The following COL25A1 variants were observed in gnomAD, a reference collection of about 807,000 sequenced individuals.
COL25A1 encodes the protein collagen type XXV alpha 1 chain.
In COL25A1, 103 loss-of-function variants were observed where a neutral mutation model predicts 128.4. That is an observed-to-expected ratio of 0.80 (90% CI 0.68 to 0.94). The LOEUF (loss-of-function observed/expected upper bound fraction) is 0.94, where lower values mean the gene tolerates loss of function less well. COL25A1 is among the 40% of genes least tolerant of loss of function. The pLI is 0.00. For synonymous variants in COL25A1, 279 were observed against 277.2 expected (o/e 1.01, Z -0.06); for missense variants, 745 against 840.0 (o/e 0.89, Z 1.40).
chr4:109,247,998 G>A (rs1235792256), intron 3 of COL25A1, among the ~76,000 whole-genome samples: 1 of 152,120 alleles, frequency 6.6e-6, no homozygotes, highest in Non-Finnish European at 1.5e-5. Context: ...ATAGTCAACA[G>A]AGTCAATTGC....
At chr4:109,132,078 A>G (rs1023599670) in intron 3 of COL25A1, among the ~76,000 whole-genome samples, 1 of 152,186 alleles carries the variant, frequency 6.6e-6, no homozygotes, top group East Asian at 1.9e-4. Context: ...ATTAGGTTTG[A>G]AAAAGCAAAA....
chr4:108,870,282 A>G (rs1697394768), intron 19 of COL25A1, among the ~76,000 whole-genome samples: 1 of 152,138 alleles, frequency 6.6e-6, no homozygotes, highest in South Asian at 2.1e-4. Flanking sequence ...AAGACATACT[A>G]AAATGTCATC....
chr4:109,100,325 T>C (rs958735088), intron 3 of COL25A1, among the ~76,000 whole-genome samples: 1 of 151,500 alleles, frequency 6.6e-6, no homozygotes, highest in African/African-American at 2.4e-5. Context: ...GTCAATTAGA[T>C]ATGAAAAACA....
At chr4:108,896,377 A>G (rs911962912) in intron 16 of COL25A1, among the ~76,000 whole-genome samples, 2 of 152,164 alleles carry the variant, frequency 1.3e-5, no homozygotes, top group Non-Finnish European at 2.9e-5. Context: ...CACATGAATA[A>G]GTGTTTTAAT....
At chr4:109,247,591 AGGAAAGGAAGACCT>A in intron 3 of COL25A1, among the ~76,000 whole-genome samples, 1 of 152,354 alleles carries the variant, frequency 6.6e-6, no homozygotes, top group Non-Finnish European at 1.5e-5. Flanking sequence ...TTAGAATCAT[AGGAAAGGAAGACCT>A]GGAAGAAGTT....
intron 3 of COL25A1, among the ~76,000 whole-genome samples, chr4:109,259,949 T>C (rs1781323495): frequency 6.6e-6 from 1 of 152,218 alleles, no homozygotes; most frequent in Non-Finnish European, 1.5e-5. Context: ...GGAAGAGTCT[T>C]GAAAATGGTG....
In COL25A1 at chr4:109,292,327, C is replaced by T. The variant is rs369409702; in HGVS notation, c.367+8256G>A. Among the ~76,000 whole-genome samples, 19 of 152,066 alleles carry T rather than the reference C, an allele frequency of 1.2e-4. No homozygotes were observed. In the East Asian group the frequency reaches 2.1e-3, roughly 17 times the overall value. ...TAAAATCCCTGTACTAATTAATCTCCGAGATTTGTATTAGTTTTAATATGT... is the reference window on the plus strand; with the variant it reads ...TAAAATCCCTGTACTAATTAATCTCTGAGATTTGTATTAGTTTTAATATGT... On this transcript the variant is annotated intron_variant, in intron 3 of 37. Coordinates refer to ENST00000399132, the MANE Select transcript of COL25A1 (RefSeq NM_198721.4).
intron 3 of COL25A1, among the ~76,000 whole-genome samples, chr4:109,224,921 C>CG: frequency 6.6e-6 from 1 of 152,284 alleles, no homozygotes; most frequent in South Asian, 2.1e-4. Context: ...GCCTGGGCAA[C>CG]AAGAGTGAAA....
chr4:109,089,181 A>C (rs981736135), intron 3 of COL25A1, among the ~76,000 whole-genome samples: 1 of 152,234 alleles, frequency 6.6e-6, no homozygotes, highest in African/African-American at 2.4e-5. Context: ...GGAAAAAATG[A>C]CACAGAACAA....
At chr4:109,081,713 T>A in intron 3 of COL25A1, among the ~76,000 whole-genome samples, 1 of 152,068 alleles carries the variant, frequency 6.6e-6, no homozygotes, top group East Asian at 1.9e-4. Flanking sequence ...TTCTTTTATT[T>A]TTTTTTTTGA....
intron 3 of COL25A1, among the ~76,000 whole-genome samples, chr4:109,051,712 C>T (rs1285347884): frequency 1.3e-5 from 2 of 151,820 alleles, no homozygotes; most frequent in Non-Finnish European, 2.9e-5. Context: ...AGTATAACAT[C>T]ACTTAAACTA....
chr4:108,886,471 T>C (rs1560806139), intron 18 of COL25A1, among the ~76,000 whole-genome samples: 1 of 124,956 alleles, frequency 8.0e-6, no homozygotes, highest in Non-Finnish European at 1.7e-5. Flanking sequence ...TGTGTGTGTG[T>C]GTGTGTGTGT....
chr4:109,154,977 C>G (rs1336339461), intron 3 of COL25A1, among the ~76,000 whole-genome samples: 1 of 152,118 alleles, frequency 6.6e-6, no homozygotes, highest in East Asian at 1.9e-4. Flanking sequence ...CCTAGCTTCC[C>G]TCCTTCCCAT....
chr4:108,855,866 C>T (rs1044483566), intron 24 of COL25A1, among the ~76,000 whole-genome samples: 10 of 152,112 alleles, frequency 6.6e-5, no homozygotes, highest in African/African-American at 2.2e-4. Context: ...GAAGTCCTAA[C>T]GATGTGGCTC....
rs116142564 is a variant in COL25A1 at position 109,139,512 on chromosome 4, A to G, written c.368-89333T>C. Among the ~76,000 whole-genome samples, 1,078 of 152,282 alleles carry G rather than the reference A, an allele frequency of 7.1e-3. 15 individuals carry two copies. The highest frequency in any genetic ancestry group is 0.024 in the African/African-American group (991 of 41,568). Reference sequence around the variant, plus strand: ...TTAATTTTTGTATGAAGTGTAAGGAAGAAGTCCAGCTTCAGTTTTCTGCAT... The same window carrying G: ...TTAATTTTTGTATGAAGTGTAAGGAGGAAGTCCAGCTTCAGTTTTCTGCAT... On this transcript the variant is annotated intron_variant, in intron 3 of 37. Coordinates refer to ENST00000399132, the MANE Select transcript of COL25A1 (RefSeq NM_198721.4).
At chr4:108,867,201 C>T (rs1363519302) in intron 20 of COL25A1, among the ~76,000 whole-genome samples, 2 of 152,208 alleles carry the variant, frequency 1.3e-5, no homozygotes, top group African/African-American at 2.4e-5. Flanking sequence ...TTCCCTTGCA[C>T]AGCACACAAA....
intron 31 of COL25A1, among the ~76,000 whole-genome samples, chr4:108,833,103 C>T (rs954638121): frequency 3.7e-4 from 56 of 151,540 alleles, no homozygotes; most frequent in African/African-American, 1.3e-3. Context: ...CACTGCCACC[C>T]TTAACCGGGC....
At chr4:109,012,090 A>C (rs1724470) in intron 5 of COL25A1, among the ~76,000 whole-genome samples, 10 of 151,722 alleles carry the variant, frequency 6.6e-5, no homozygotes, top group African/African-American at 2.4e-4. Context: ...ATGGCTCACC[A>C]CAGTCTTGAA....
At chr4:109,286,770 T>C (rs191233491) in intron 3 of COL25A1, among the ~76,000 whole-genome samples, 66 of 152,280 alleles carry the variant, frequency 4.3e-4, no homozygotes, top group African/African-American at 1.5e-3. Context: ...GTTGAAAATC[T>C]ATATACCACT....
Sources: allele counts gnomAD v4.1 joint callset (sites outside exome capture counted in the v4.1 genomes callset), GRCh38; gene constraint gnomAD v4.1.1; transcripts MANE v1.5; gene names NCBI Gene and HGNC (gene_info 2026-07-23, HGNC 2026-07-21).